The following WNT11 variants were observed in gnomAD, a reference collection of about 807,000 sequenced individuals.
WNT11 encodes Wnt family member 11.
In WNT11, 20 loss-of-function variants were observed where a neutral mutation model predicts 35.6. That is an observed-to-expected ratio of 0.56 (90% CI 0.40 to 0.82). The LOEUF (loss-of-function observed/expected upper bound fraction) is 0.82. Among genes scored for constraint, WNT11 ranks in the 40% least tolerant of loss-of-function variants. WNT11 has a pLI of 0.00. For missense variants in WNT11, 459 were observed against 504.4 expected, an observed-to-expected ratio of 0.91 and a Z score of 0.86; for synonymous variants, 200 against 211.9, an observed-to-expected ratio of 0.94 and a Z score of 0.49.
At chr11:76,205,790 A>G (rs989057009) in intron 1 of WNT11, among the ~76,000 whole-genome samples, 2 of 152,152 alleles carry the variant, frequency 1.3e-5, no homozygotes, top group African/African-American at 4.8e-5. Context: ...ACAGCTTCTG[A>G]GGTCCTTTCA....
intron 2 of WNT11, 100 bp downstream of exon 2, chr11:76,196,383 C>T: frequency 1.5e-6 from 2 of 1,339,438 alleles, no homozygotes; most frequent in Non-Finnish European, 2.1e-6. Context: ...CCATCATCCA[C>T]CCACCCATGA....
intron 1 of WNT11, among the ~76,000 whole-genome samples, chr11:76,197,206 T>A (rs948008): frequency 0.92 from 139,518 of 152,316 alleles, 64,176 homozygotes; most frequent in Middle Eastern, 0.98. Context: ...GCGCTACATG[T>A]GGTAGGAGTT....
chr11:76,206,608 G>A, upstream of WNT11: 4 of 1,136,318 alleles, frequency 3.5e-6, no homozygotes, highest in Non-Finnish European at 4.4e-6. Context: ...CGAGCGCGGC[G>A]GGCGTCCCCT....
At chr11:76,187,577 C>G (rs1256141000) in intron 4 of WNT11, among the ~76,000 whole-genome samples, 1 of 151,800 alleles carries the variant, frequency 6.6e-6, no homozygotes, top group Admixed American at 6.6e-5. Flanking sequence ...CACCCAGGCC[C>G]CCGGCTCAAG....
chr11:76,191,528 G>C, intron 4 of WNT11, 36 bp downstream of exon 4: 1 of 1,594,826 alleles, frequency 6.3e-7, no homozygotes, highest in Non-Finnish European at 8.6e-7. Context: ...TGCAACACCA[G>C]TGACCCTTTC....
upstream of WNT11, among the ~76,000 whole-genome samples, chr11:76,209,664 C>T (rs1433797905): frequency 1.4e-5 from 2 of 143,944 alleles, no homozygotes; most frequent in Non-Finnish European, 3.0e-5. Flanking sequence ...GCGCACGCGG[C>T]GCCGGGTCAC....
At chr11:76,189,738 A>G (rs1452654290) in intron 4 of WNT11, among the ~76,000 whole-genome samples, 1 of 152,148 alleles carries the variant, frequency 6.6e-6, no homozygotes, top group Non-Finnish European at 1.5e-5. Flanking sequence ...TCACGACCTG[A>G]GCCCTTGGGG....
chr11:76,191,525 C>T (rs745948261), intron 4 of WNT11, 39 bp downstream of exon 4: 6 of 1,591,098 alleles, frequency 3.8e-6, no homozygotes, highest in Non-Finnish European at 5.1e-6. Context: ...ATGTGCAACA[C>T]CAGTGACCCT....
In WNT11 at chr11:76,193,313, G is replaced by A. The variant is rs75045674; in HGVS notation, c.597+1254C>T. 7.7e-3 allele frequency among the ~76,000 whole-genome samples: 1,169 copies of A among 152,372 alleles called. 16 individuals carry two copies. The highest frequency in any genetic ancestry group is 0.025 in the African/African-American group (1,048 of 41,592). ...CTCAGGGACGGGCCTGATTTGCCCT[G>A]AGGCGGAGGACCCTCTTTGGGCTGC... is the stretch of plus-strand genomic sequence containing the variant. On this transcript the variant is annotated intron_variant, in intron 3 of 4. Transcript: ENST00000322563.
At chr11:76,195,473 C>T (rs940984685) in intron 2 of WNT11, among the ~76,000 whole-genome samples, 1 of 152,218 alleles carries the variant, frequency 6.6e-6, no homozygotes, top group African/African-American at 2.4e-5. Flanking sequence ...CCAAGGATGG[C>T]GGGCCGCCAC....
upstream of WNT11, chr11:76,210,435 G>T: frequency 1.0e-6 from 1 of 985,336 alleles, no homozygotes; most frequent in Non-Finnish European, 1.2e-6. Context: ...GCGGGTCCCC[G>T]CTGAGCGGCT....
At position 76,191,552 on chromosome 11, in the gene WNT11, A is replaced by G. The variant is rs2134570447; in HGVS notation, c.890+12T>C. The G allele has an allele frequency of 6.2e-7, 1 of 1,603,566 alleles. No homozygotes were observed. On this transcript the variant is annotated intron_variant, in intron 4 of 4. Coordinates refer to ENST00000322563, the MANE Select transcript of WNT11 (RefSeq NM_004626.3). ...AGTGACCCTTTCCCACCAAGGTGGC[A>G]GCAGGCCTCACCTGTCTTGTGTCCC... is the stretch of plus-strand genomic sequence containing the variant.
chr11:76,199,358 G>A lies in WNT11; in HGVS notation c.84-2640C>T, dbSNP rs1299937780. On this transcript the variant is annotated intron_variant, in intron 1 of 4. Transcript: ENST00000322563. ...AAATTAGCCGGGTGTTGTGGTGCAT[G>A]CCTATAGTCTGAACTACTTGAGAGG... 5.3e-5 allele frequency among the ~76,000 whole-genome samples: 8 copies of A among 151,808 alleles called. No homozygotes were observed. The South Asian group carries it at 8.3e-4, about 16-fold the overall frequency.
chr11:76,206,665 A>C, upstream of WNT11: 1 of 710,102 alleles, frequency 1.4e-6, no homozygotes, highest in Non-Finnish European at 1.9e-6. Flanking sequence ...GGCTCGAATT[A>C]GGCGCGGCCG....
upstream of WNT11, chr11:76,206,728 T>G: frequency 4.3e-6 from 1 of 231,294 alleles, no homozygotes; most frequent in Non-Finnish European, 7.8e-6. Flanking sequence ...CGAGCCCCTC[T>G]GGCCGGGGCA....
intron 2 of WNT11, among the ~76,000 whole-genome samples, chr11:76,195,949 A>G (rs1260531164): frequency 1.3e-5 from 2 of 152,204 alleles, no homozygotes; most frequent in African/African-American, 4.8e-5. Flanking sequence ...TCCCTATTGT[A>G]CATGGGTCCC....
chr11:76,196,806 G>T, intron 1 of WNT11, 88 bp from the exon 2 acceptor site: 1 of 1,400,654 alleles, frequency 7.1e-7, no homozygotes, highest in Non-Finnish European at 9.6e-7. Context: ...TCTGGCCCCA[G>T]CCTTTCCCTC....
chr11:76,204,767 T>C (rs933197144), intron 1 of WNT11, among the ~76,000 whole-genome samples: 1 of 152,052 alleles, frequency 6.6e-6, no homozygotes, highest in Non-Finnish European at 1.5e-5. Flanking sequence ...CGTGGGGGCT[T>C]GCGTGCATCA....
chr11:76,205,081 G>C (rs1373381858), intron 1 of WNT11, among the ~76,000 whole-genome samples: 1 of 152,174 alleles, frequency 6.6e-6, no homozygotes, highest in Non-Finnish European at 1.5e-5. Flanking sequence ...AAAAGCTAGT[G>C]CCCAGGGCTG....
Sources: gnomAD v4.1 joint callset for allele counts (sites outside exome capture counted in the v4.1 genomes callset) on GRCh38, gnomAD v4.1.1 for gene constraint, MANE v1.5 for transcripts, NCBI Gene and HGNC (gene_info 2026-07-23, HGNC 2026-07-21) for gene names.